Variants in CEP57L1 observed in about 807,000 individuals in gnomAD.
CEP57L1 encodes the protein centrosomal protein CEP57L1.
CEP57L1 carries 37 observed loss-of-function variants against 61.0 expected under a neutral mutation model. That is an observed-to-expected ratio of 0.61 (90% CI 0.47 to 0.80). The LOEUF is 0.80. Ranked by LOEUF, CEP57L1 falls within the 30% of genes least tolerant of loss-of-function variation. The probability of loss-of-function intolerance (pLI) is 0.00; values close to 1 mark genes in which losing one functional copy is unlikely to be tolerated. For missense variants in CEP57L1, 422 were observed against 524.7 expected (o/e 0.80, Z 1.91); for synonymous variants, 137 against 162.3 (o/e 0.84, Z 1.19).
chr6:109,111,452 A>G (rs1446420237), intron 1 of CEP57L1, among the ~76,000 whole-genome samples: 1 of 152,208 alleles, frequency 6.6e-6, no homozygotes, highest in Non-Finnish European at 1.5e-5. Flanking sequence ...TAAATATACA[A>G]TCATGTCATC....
At chr6:109,135,305 A>C (rs186744698) in intron 1 of CEP57L1, among the ~76,000 whole-genome samples, 104 of 151,700 alleles carry the variant, frequency 6.9e-4, no homozygotes, top group Middle Eastern at 3.4e-3. Flanking sequence ...CAAAAACAAG[A>C]AATGGGGAAA....
chr6:109,150,058 T>C (rs1257646150), intron 3 of CEP57L1, 60 bp from the exon 4 acceptor site: 2 of 1,030,238 alleles, frequency 1.9e-6, no homozygotes, highest in African/African-American at 1.6e-5. Flanking sequence ...AATCATGTCA[T>C]CTGCAAACAG....
At chr6:109,157,606 G>A (rs968468081) in intron 7 of CEP57L1, 7 of 152,266 alleles carry the variant, frequency 4.6e-5, no homozygotes, top group African/African-American at 1.7e-4. Context: ...GGAATTGTTG[G>A]TTTTTCCAGG....
chr6:109,158,756 T>G (rs1773452243), intron 7 of CEP57L1: 1 of 524,556 alleles, frequency 1.9e-6, no homozygotes, highest in Admixed American at 2.8e-5. Context: ...TTGCCAACAT[T>G]TGTTATTGTC....
At position 109,152,434 on chromosome 6, in the gene CEP57L1, T is replaced by C. The variant is rs138015004; in HGVS notation, c.463-1399T>C. On this transcript the variant is annotated intron_variant, in intron 4 of 10. Transcript: ENST00000517392. ...CTGACCTCAGGTGATCCACCCACCT[T>C]GGCCTCCCAAAGTGCTGGGATTACA... Among the ~76,000 whole-genome samples, 1,204 of 152,126 alleles carry C rather than the reference T, an allele frequency of 7.9e-3. 19 individuals carry two copies. Among genetic ancestry groups the C allele is most frequent in the African/African-American group, 0.028 (1,154 of 41,536 alleles).
chr6:109,153,518 T>G (rs1772883892), intron 4 of CEP57L1, among the ~76,000 whole-genome samples: 1 of 151,986 alleles, frequency 6.6e-6, no homozygotes, highest in African/African-American at 2.4e-5. Context: ...AGTGCTTGAA[T>G]TACAAGTATG....
intron 7 of CEP57L1, chr6:109,157,291 G>C (rs934936873): frequency 6.6e-6 from 1 of 152,162 alleles, no homozygotes; most frequent in African/African-American, 2.4e-5. Flanking sequence ...GCCTCTATGA[G>C]AGATCTGCTT....
intron 7 of CEP57L1, chr6:109,158,578 A>C: frequency 2.2e-6 from 1 of 454,750 alleles, no homozygotes; most frequent in South Asian, 1.6e-5. Flanking sequence ...TTTTATGTGA[A>C]CATAAGTTTT....
intron 1 of CEP57L1, among the ~76,000 whole-genome samples, chr6:109,122,351 G>C (rs1218127332): frequency 6.6e-6 from 1 of 152,110 alleles, no homozygotes; most frequent in East Asian, 1.9e-4. Context: ...TCTGAATGCT[G>C]GGTTTATTTT....
chr6:109,174,114 A>AAAAACAAAAC lies in CEP57L1; in HGVS notation c.*11144_*11145insAAAACAAAAC. ...GTCTTGGTCTCAAAAAAAAAAAAAA[A>AAAAACAAAAC]CCTTGTGTTGGAAACCATCTCCAAT... is the stretch of plus-strand genomic sequence containing the variant. On this transcript the variant is annotated 3_prime_UTR_variant, in exon 11 of 11. Transcript: ENST00000517392. 6.6e-6 allele frequency among the ~76,000 whole-genome samples: 1 copy of AAAAACAAAAC among 151,576 alleles called. No homozygotes were observed. The highest frequency in any genetic ancestry group is 2.1e-4 in the South Asian group (1 of 4,808).
intron 1 of CEP57L1, among the ~76,000 whole-genome samples, chr6:109,101,022 G>A (rs944571694): frequency 1.3e-5 from 2 of 152,272 alleles, no homozygotes; most frequent in South Asian, 2.1e-4. Flanking sequence ...CAGGAGAATC[G>A]CCTGAGCCTG....
intron 1 of CEP57L1, among the ~76,000 whole-genome samples, chr6:109,133,328 C>G (rs1774411210): frequency 6.6e-6 from 1 of 152,160 alleles, no homozygotes; most frequent in African/African-American, 2.4e-5. Flanking sequence ...AAGGAGCATG[C>G]AGCCTAGATC....
rs1298260523 is a variant in CEP57L1 at position 109,174,099 on chromosome 6, C to CAAAAAAAAAAAAAAAAAAAAAAAAAA, written c.*11144_*11145insAAAAAAAAAAAAAAAAAAAAAAAAAA. 2.1e-4 allele frequency among the ~76,000 whole-genome samples: 17 copies of CAAAAAAAAAAAAAAAAAAAAAAAAAA among 81,912 alleles called. No homozygotes were observed. Among genetic ancestry groups the CAAAAAAAAAAAAAAAAAAAAAAAAAA allele is most frequent in the African/African-American group, 8.1e-4 (17 of 20,882 alleles). The allele number at this position is 81,912 out of a possible 152,430, so 53.7% of individuals were successfully genotyped here. The stretch of plus-strand genomic sequence containing the variant: ...TGAGCCATAGAGTGAGTCTTGGTCT[C>CAAAAAAAAAAAAAAAAAAAAAAAAAA]AAAAAAAAAAAAAAACCTTGTGTTG... On this transcript the variant is annotated 3_prime_UTR_variant, in exon 11 of 11. Transcript: ENST00000517392.
intron 1 of CEP57L1, among the ~76,000 whole-genome samples, chr6:109,125,908 T>C (rs1773505047): frequency 6.6e-6 from 1 of 152,164 alleles, no homozygotes; most frequent in South Asian, 2.1e-4. Flanking sequence ...CTAAGAATTA[T>C]GCTTTACTTA....
chr6:109,163,636 A>T lies in CEP57L1; in HGVS notation c.*666A>T, dbSNP rs1773903815. 6.6e-6 allele frequency: 1 copy of T among 152,016 alleles called. No individual in the cohort carries two copies. Among genetic ancestry groups the T allele is most frequent in the African/African-American group, 2.4e-5 (1 of 41,392 alleles). The allele number at this position is 152,016 out of a possible 1,614,324, so 9.4% of individuals were successfully genotyped here. On this transcript the variant is annotated 3_prime_UTR_variant, in exon 11 of 11. Transcript: ENST00000517392. ...AATCAATGATCAATTTTATCTTACTACTTTATAACTTTTGCTGACTTTTAT... is the reference window on the plus strand; with the variant it reads ...AATCAATGATCAATTTTATCTTACTTCTTTATAACTTTTGCTGACTTTTAT...
At chr6:109,120,275 A>C (rs547809438) in intron 1 of CEP57L1, among the ~76,000 whole-genome samples, 69 of 152,346 alleles carry the variant, frequency 4.5e-4, no homozygotes, top group African/African-American at 1.7e-3. Context: ...TGAAAACATG[A>C]AAATGCATTA....
chr6:109,099,371 TAAG>T (rs1411770805), intron 1 of CEP57L1, among the ~76,000 whole-genome samples: 2 of 151,728 alleles, frequency 1.3e-5, no homozygotes, highest in Non-Finnish European at 2.9e-5. Flanking sequence ...AGAAAGTAAT[TAAG>T]GAGGAAGGAA....
Position 109,116,122 on chromosome 6 carries a change from GTGTTGTGTTA to G in CEP57L1, c.-4+20552_-4+20561del, listed in dbSNP as rs1254621166. Among the ~76,000 whole-genome samples, 418 of 123,220 alleles carry G rather than the reference GTGTTGTGTTA, an allele frequency of 3.4e-3. 1 individual carries two copies. Among genetic ancestry groups the G allele is most frequent in the African/African-American group, 0.014 (404 of 28,784 alleles). The allele number at this position is 123,220 out of a possible 152,430, so 80.8% of individuals were successfully genotyped here. On this transcript the variant is annotated intron_variant, in intron 1 of 10. Coordinates refer to ENST00000517392, the MANE Select transcript of CEP57L1 (RefSeq NM_001271852.3). ...TTTATTTTATTTTATTTTATGTTATGTGTTGTGTTATGTTATGTTATGTTATGTTATGTTA... is the reference window on the plus strand; with the variant it reads ...TTTATTTTATTTTATTTTATGTTATGTGTTATGTTATGTTATGTTATGTTA...
chr6:109,116,084 C>CATTTT (rs557303655), intron 1 of CEP57L1, among the ~76,000 whole-genome samples: 1,569 of 144,550 alleles, frequency 0.011, 15 homozygotes, highest in Non-Finnish European at 0.012. Flanking sequence ...CCCTATTAAG[C>CATTTT]ATTTTATTTT....
Sources: gnomAD v4.1 joint callset for allele counts (sites outside exome capture counted in the v4.1 genomes callset) on GRCh38, gnomAD v4.1.1 for gene constraint, MANE v1.5 for transcripts, NCBI Gene and HGNC (gene_info 2026-07-23, HGNC 2026-07-21) for gene names.